The following XKR9 variants were observed in gnomAD, a reference collection of about 807,000 sequenced individuals.
The protein encoded by XKR9 is XK-related protein 9.
XKR9 carries 32 observed loss-of-function variants against 32.0 expected under a neutral mutation model. The observed-to-expected ratio is 1.00, with a 90% CI of 0.76 to 1.34. The LOEUF is 1.34. XKR9 is among the 40% of genes most tolerant of loss of function. The pLI, the probability that XKR9 is intolerant of heterozygous loss-of-function variation, is 0.00. For synonymous variants in XKR9, 168 were observed against 143.4 expected (o/e 1.17, Z -1.22); for missense variants, 546 against 429.7 (o/e 1.27, Z -2.39).
the XKR9 span, among the ~76,000 whole-genome samples, chr8:70,885,935 G>C: frequency 6.6e-6 from 1 of 152,042 alleles, no homozygotes; most frequent in Non-Finnish European, 1.5e-5. Flanking sequence ...TACATGTGCA[G>C]AACGTGCAGT....
intron 2 of XKR9, among the ~76,000 whole-genome samples, chr8:70,753,683 G>A (rs1188535543): frequency 8.7e-5 from 13 of 149,650 alleles, no homozygotes; most frequent in South Asian, 2.1e-4. Context: ...TATCTCAATA[G>A]ATGCAGAAAA....
chr8:70,857,655 A>C, the XKR9 span, among the ~76,000 whole-genome samples: 6 of 152,172 alleles, frequency 3.9e-5, no homozygotes, highest in Non-Finnish European at 5.9e-5. Context: ...TGGCCGAGAC[A>C]CAACAAAAAA....
chr8:70,702,475 A>G (rs1309040901), intron 3 of XKR9, among the ~76,000 whole-genome samples: 4 of 152,156 alleles, frequency 2.6e-5, no homozygotes, highest in African/African-American at 9.6e-5. Context: ...CAATGTCCTT[A>G]TTGATATTTT....
At chr8:70,684,684 G>A (rs1819200163) in intron 3 of XKR9, among the ~76,000 whole-genome samples, 1 of 149,564 alleles carries the variant, frequency 6.7e-6, no homozygotes, top group Admixed American at 6.7e-5. Flanking sequence ...AGTGGGCGAA[G>A]GACATGAACA....
the XKR9 span, among the ~76,000 whole-genome samples, chr8:71,062,024 T>C: frequency 1.3e-5 from 2 of 152,196 alleles, no homozygotes; most frequent in Non-Finnish European, 2.9e-5. Context: ...TTGGCCAATG[T>C]AGTTGGTTCA....
In XKR9 at chr8:70,744,097, C is replaced by T. The variant is rs550542861; in HGVS notation, n.352+36944C>T. Among the ~76,000 whole-genome samples the T allele has an allele frequency of 1.1e-3, 171 of 151,890 alleles. 1 individual carries two copies. Among genetic ancestry groups the T allele is most frequent in the South Asian group, 9.6e-3 (46 of 4,806 alleles). ...AGGCTGAGGCGGGTGCATTACCTGA[C>T]GTCAGGAGTTCAAGACCACTCTGGT... On this transcript the variant is annotated intron_variant and non_coding_transcript_variant, in intron 2 of 3. Transcript: ENST00000520273.
intron 4 of XKR9, among the ~76,000 whole-genome samples, chr8:70,728,701 C>G (rs1360433016): frequency 6.6e-6 from 1 of 152,106 alleles, no homozygotes; most frequent in Non-Finnish European, 1.5e-5. Context: ...TCTCCAGTCC[C>G]CATTTTTATT....
At chr8:70,747,150 A>T (rs1391122871) in intron 2 of XKR9, among the ~76,000 whole-genome samples, 1 of 152,104 alleles carries the variant, frequency 6.6e-6, no homozygotes, top group African/African-American at 2.4e-5. Context: ...TTCTTTATTC[A>T]GTCCACCATT....
the XKR9 span, among the ~76,000 whole-genome samples, chr8:70,801,975 C>T: frequency 6.6e-6 from 1 of 150,780 alleles, no homozygotes; most frequent in East Asian, 1.9e-4. Flanking sequence ...TGCTCTGTCG[C>T]CCAGAGACTG....
the XKR9 span, among the ~76,000 whole-genome samples, chr8:70,867,068 G>A: frequency 6.6e-6 from 1 of 152,168 alleles, no homozygotes; most frequent in Non-Finnish European, 1.5e-5. Flanking sequence ...ATTGATACGG[G>A]AAAAAGGGTT....
chr8:70,996,222 TATTAA>T, the XKR9 span, among the ~76,000 whole-genome samples: 1 of 152,222 alleles, frequency 6.6e-6, no homozygotes, highest in Non-Finnish European at 1.5e-5. Flanking sequence ...AAATACAATT[TATTAA>T]ATTAATTTTT....
the XKR9 span, among the ~76,000 whole-genome samples, chr8:70,942,496 TG>T: frequency 6.6e-6 from 1 of 152,206 alleles, no homozygotes; most frequent in Admixed American, 6.5e-5. Context: ...TTGGGTGAAT[TG>T]GGGAAAATCC....
chr8:71,048,935 A>T, the XKR9 span, among the ~76,000 whole-genome samples: 1 of 152,212 alleles, frequency 6.6e-6, no homozygotes, highest in Non-Finnish European at 1.5e-5. Flanking sequence ...CTGCAATTCC[A>T]AAATAACTAA....
At chr8:70,683,419 T>G in intron 3 of XKR9, 1 of 380,212 alleles carries the variant, frequency 2.6e-6, no homozygotes, top group East Asian at 8.1e-5. Flanking sequence ...TTGTTTATGT[T>G]TACCCATATA....
At chr8:70,990,733 A>AAGAG in the XKR9 span, among the ~76,000 whole-genome samples, 2,859 of 143,206 alleles carry the variant, frequency 0.02, 33 homozygotes, top group East Asian at 0.047. Context: ...TTGGCAGAAT[A>AAGAG]AGAGAGAGAG....
At chr8:70,940,733 T>A in the XKR9 span, among the ~76,000 whole-genome samples, 9 of 152,126 alleles carry the variant, frequency 5.9e-5, no homozygotes, top group Non-Finnish European at 1.2e-4. Context: ...GTCAGTATTA[T>A]ATTATTAAAT....
the XKR9 span, among the ~76,000 whole-genome samples, chr8:70,962,892 C>T: frequency 6.6e-6 from 1 of 152,104 alleles, no homozygotes; most frequent in Non-Finnish European, 1.5e-5. Context: ...TACTGCATTA[C>T]ATATATTTTA....
chr8:70,765,145 C>G (rs1360684473), intron 2 of XKR9, among the ~76,000 whole-genome samples: 2 of 152,192 alleles, frequency 1.3e-5, no homozygotes, highest in African/African-American at 4.8e-5. Context: ...ATTTCTGGTT[C>G]TAGATCCTTG....
chr8:70,953,851 A>G, the XKR9 span, among the ~76,000 whole-genome samples: 1 of 151,874 alleles, frequency 6.6e-6, no homozygotes, highest in Non-Finnish European at 1.5e-5. Context: ...GCAGATTCCC[A>G]TGGTTACAGA....
Sources: gnomAD v4.1 joint callset for allele counts (sites outside exome capture counted in the v4.1 genomes callset) on GRCh38, gnomAD v4.1.1 for gene constraint, MANE v1.5 for transcripts, NCBI Gene and HGNC (gene_info 2026-07-23, HGNC 2026-07-21) for gene names.